Variants in PPP1R16B observed in about 807,000 individuals in gnomAD.
PPP1R16B encodes protein phosphatase 1 regulatory subunit 16B, also known as protein phosphatase 1 regulatory inhibitor subunit 16B.
Under a neutral mutation model 61.7 loss-of-function variants are expected in PPP1R16B, and 14 were observed. That is an observed-to-expected ratio of 0.23 (90% CI 0.15 to 0.35). The LOEUF (loss-of-function observed/expected upper bound fraction) is 0.35. Among genes scored for constraint, PPP1R16B ranks in the 10% least tolerant of loss-of-function variants. The pLI is 1.00. For synonymous variants in PPP1R16B, 266 were observed against 305.3 expected, an observed-to-expected ratio of 0.87 and a Z score of 1.34; for missense variants, 547 against 752.5, an observed-to-expected ratio of 0.73 and a Z score of 3.19.
At chr20:38,811,889 C>T (rs746683553) in intron 1 of PPP1R16B, among the ~76,000 whole-genome samples, 11 of 152,154 alleles carry the variant, frequency 7.2e-5, no homozygotes, top group East Asian at 1.9e-4. Context: ...CTACACTGGA[C>T]GATGAGCCCC....
At chr20:38,835,056 T>C (rs2084860778) in intron 1 of PPP1R16B, among the ~76,000 whole-genome samples, 1 of 152,244 alleles carries the variant, frequency 6.6e-6, no homozygotes, top group South Asian at 2.1e-4. Flanking sequence ...AATATCTTAG[T>C]ATAGTTATGA....
At chr20:38,890,293 A>G (rs1267091311) in intron 3 of PPP1R16B, among the ~76,000 whole-genome samples, 1 of 152,220 alleles carries the variant, frequency 6.6e-6, no homozygotes, top group Non-Finnish European at 1.5e-5. Flanking sequence ...CCTGTTACTC[A>G]AAGTTCTCTG....
intron 10 of PPP1R16B, among the ~76,000 whole-genome samples, chr20:38,913,527 C>T (rs949412874): frequency 6.6e-6 from 1 of 152,200 alleles, no homozygotes; most frequent in East Asian, 1.9e-4. Flanking sequence ...TCCCAAAGTG[C>T]TGGGATTACG....
chr20:38,852,016 G>C (rs892655709), intron 2 of PPP1R16B, among the ~76,000 whole-genome samples: 4 of 152,210 alleles, frequency 2.6e-5, no homozygotes, highest in Admixed American at 6.5e-5. Flanking sequence ...CTGGGTGACA[G>C]AGCAAGGCCC....
At chr20:38,860,726 C>G (rs890900025) in intron 2 of PPP1R16B, among the ~76,000 whole-genome samples, 2 of 152,226 alleles carry the variant, frequency 1.3e-5, no homozygotes, top group Admixed American at 6.5e-5. Context: ...TCAGCAGAGT[C>G]TCTCCCAGCA....
chr20:38,854,787 G>A (rs4812322), intron 2 of PPP1R16B, among the ~76,000 whole-genome samples: 100,392 of 151,490 alleles, frequency 0.66, 33,675 homozygotes, highest in African/African-American at 0.77. Context: ...CGGTCAGTTT[G>A]GCTGTTACTA....
At chr20:38,834,544 CA>C (rs1271523531) in intron 1 of PPP1R16B, among the ~76,000 whole-genome samples, 22 of 152,086 alleles carry the variant, frequency 1.4e-4, no homozygotes, top group Non-Finnish European at 1.5e-4. Context: ...TTTTAAAGGT[CA>C]TCCAAAGAGA....
At chr20:38,901,910 G>A (rs1321358274) in intron 5 of PPP1R16B, among the ~76,000 whole-genome samples, 1 of 152,184 alleles carries the variant, frequency 6.6e-6, no homozygotes, top group African/African-American at 2.4e-5. Context: ...ACTACTGTGG[G>A]TTTTGCTTAC....
intron 4 of PPP1R16B, among the ~76,000 whole-genome samples, chr20:38,896,610 A>G (rs2085351563): frequency 6.6e-6 from 1 of 152,014 alleles, no homozygotes; most frequent in Non-Finnish European, 1.5e-5. Flanking sequence ...TAGTGATAAA[A>G]CACATATAAC....
intron 2 of PPP1R16B, among the ~76,000 whole-genome samples, chr20:38,858,283 C>A (rs765067785): frequency 1.1e-4 from 17 of 152,080 alleles, no homozygotes; most frequent in South Asian, 4.2e-4. Context: ...AGACAGCTGT[C>A]TTCTCTGATG....
chr20:38,859,489 G>A (rs2085032439), intron 2 of PPP1R16B, among the ~76,000 whole-genome samples: 1 of 152,186 alleles, frequency 6.6e-6, no homozygotes, highest in Non-Finnish European at 1.5e-5. Flanking sequence ...AGCCACATAT[G>A]TAACTGTATT....
chr20:38,888,299 G>A (rs997925727), intron 2 of PPP1R16B, among the ~76,000 whole-genome samples: 8 of 152,162 alleles, frequency 5.3e-5, no homozygotes, highest in African/African-American at 1.2e-4. Context: ...GGGCCTGCAC[G>A]CCTGGCTTCA....
rs2085556338 is a variant in PPP1R16B, at chr20:38,918,067, TCCAAACAATAATGCC to T, written c.1195-88_1195-74del. 6.6e-7 allele frequency: 1 copy of T among 1,504,098 alleles called. No individual in the cohort carries two copies. Among genetic ancestry groups the T allele is most frequent in the African/African-American group, 1.4e-5 (1 of 72,082 alleles). 93.2% of individuals were successfully genotyped at this position (1,504,098 alleles called of 1,614,324 possible). On this transcript the variant is annotated intron_variant, in intron 10 of 10. Coordinates refer to ENST00000299824, the MANE Select transcript of PPP1R16B (RefSeq NM_015568.4). The surrounding 1 kb of genome is among the most constrained non-coding windows in gnomAD (Gnocchi z 5.3). ...GGAGAGAAAACAGATAGAGGAAAAG[TCCAAACAATAATGCC>T]CTCAGCAGAGAGACAGGTGGATAGT... is the stretch of plus-strand genomic sequence containing the variant.
chr20:38,817,936 C>T (rs1374945637), intron 1 of PPP1R16B, among the ~76,000 whole-genome samples: 2 of 152,276 alleles, frequency 1.3e-5, no homozygotes, highest in African/African-American at 2.4e-5. Context: ...CCCAGCTGCT[C>T]GGGAGGCTGA....
At chr20:38,881,409 T>A (rs891145131) in intron 2 of PPP1R16B, among the ~76,000 whole-genome samples, 1 of 152,176 alleles carries the variant, frequency 6.6e-6, no homozygotes, top group Non-Finnish European at 1.5e-5. Flanking sequence ...CCCTTTGGCG[T>A]TATCAGAGCA....
Position 38,870,808 on chromosome 20 carries a change from A to T in PPP1R16B, c.251-18787A>T, listed in dbSNP as rs191507070. On this transcript the variant is annotated intron_variant, in intron 2 of 10. Coordinates refer to ENST00000299824, the MANE Select transcript of PPP1R16B (RefSeq NM_015568.4). ...CTCCAAGAGGCAGCTCGGCTGGGAT[A>T]TTGTGGCTCATTCTAGTGTCTTGCA... 2.9e-3 allele frequency among the ~76,000 whole-genome samples: 442 copies of T among 152,228 alleles called. 1 individual carries two copies. Among genetic ancestry groups the T allele is most frequent in the South Asian group, 0.014 (69 of 4,828 alleles).
At chr20:38,895,486 G>A (rs759942653) in intron 3 of PPP1R16B, 79 bp from the exon 4 acceptor site, 18 of 1,480,082 alleles carry the variant, frequency 1.2e-5, no homozygotes, top group Non-Finnish European at 1.5e-5. Flanking sequence ...GCCTCTTGCG[G>A]GGAACCTGGT....
At chr20:38,813,890 G>A (rs149432655) in intron 1 of PPP1R16B, among the ~76,000 whole-genome samples, 3,432 of 151,630 alleles carry the variant, frequency 0.023, 52 homozygotes, top group Non-Finnish European at 0.034. Context: ...TCTGCTTCCC[G>A]GGTTCAAGTG....
chr20:38,909,889 C>T (rs1319402273), intron 10 of PPP1R16B, among the ~76,000 whole-genome samples: 1 of 152,224 alleles, frequency 6.6e-6, no homozygotes, highest in Non-Finnish European at 1.5e-5. Context: ...TATCAAATCA[C>T]ATTTCAGATG....
Sources: allele counts gnomAD v4.1 joint callset (sites outside exome capture counted in the v4.1 genomes callset), GRCh38; gene constraint gnomAD v4.1.1; non-coding constraint Gnocchi (gnomAD v3.1); transcripts MANE v1.5; gene names NCBI Gene and HGNC (gene_info 2026-07-23, HGNC 2026-07-21).